GNG8: variants seen among roughly 807,000 people sequenced by gnomAD.
The protein encoded by GNG8 is G protein subunit gamma 8, also known as guanine nucleotide-binding protein G(I)/G(S)/G(O) subunit gamma-8.
In GNG8, 3 loss-of-function variants were observed where a neutral mutation model predicts 4.6. The observed-to-expected ratio is 0.65, with a 90% confidence interval of 0.29 to 1.67. The LOEUF (loss-of-function observed/expected upper bound fraction) is 1.67, where lower values mean the gene tolerates loss of function less well. Ranked by LOEUF, GNG8 falls within the 40% of genes most tolerant of loss-of-function variation. GNG8 has a pLI of 0.10. For missense variants in GNG8, 88 were observed against 95.2 expected, an observed-to-expected ratio of 0.92 and a Z score of 0.32; for synonymous variants, 32 against 40.5, an observed-to-expected ratio of 0.79 and a Z score of 0.80.
chr19:46,634,715 G>A lies in GNG8; in HGVS notation c.-33C>T, dbSNP rs12460911. On this transcript the variant is annotated 5_prime_UTR_variant, in exon 2 of 3. Coordinates refer to ENST00000693335, the MANE Select transcript of GNG8 (RefSeq NM_033258.2). ...GCGGGGAAGGGGTTAAAAGACGCGCGGGAGTGGGGGCTGTGGGGGTAGGTT... is the reference window on the plus strand; with the variant it reads ...GCGGGGAAGGGGTTAAAAGACGCGCAGGAGTGGGGGCTGTGGGGGTAGGTT... 189,978 of 1,580,764 alleles carry A rather than the reference G, an allele frequency of 0.12. 12,699 individuals carry two copies. Among genetic ancestry groups the A allele is most frequent in the Middle Eastern group, 0.21 (1,235 of 5,966 alleles).
chr19:46,635,027 C>T (rs966162005), intron 1 of GNG8, among the ~76,000 whole-genome samples: 3 of 151,932 alleles, frequency 2.0e-5, no homozygotes, highest in Non-Finnish European at 4.4e-5. Flanking sequence ...TCCTCACCCC[C>T]GGGGGCAGAG....
In GNG8 at chr19:46,634,674, G is replaced by A; in HGVS notation, c.9C>T (p.Asn3=). 2 of 1,613,010 alleles carry A rather than the reference G, an allele frequency of 1.2e-6. No individual in the cohort carries two copies. The highest frequency in any genetic ancestry group is 1.7e-6 in the Non-Finnish European group (2 of 1,179,848). ...GGGCCTCGGCAATCTTGGCCATGTT[G>A]TTGGACATGGTTGCGGCGGGGAAGG... MS[N]NMAKIAEARK... The change falls in exon 2 of 3, where the codon AAC becomes AAT. Residue 3 remains asparagine (N), a synonymous_variant. Transcript: ENST00000693335.
At chr19:46,634,823 T>C (rs909385134) in intron 1 of GNG8, 98 bp from the exon 2 acceptor site, 3 of 640,602 alleles carry the variant, frequency 4.7e-6, no homozygotes, top group Non-Finnish European at 5.6e-6. Flanking sequence ...GTGAATGGGG[T>C]GGCCAGGGGC....
intron 1 of GNG8, among the ~76,000 whole-genome samples, 127 bp downstream of exon 1, chr19:46,636,020 A>G (rs1246760836): frequency 6.6e-6 from 1 of 152,006 alleles, no homozygotes; most frequent in Non-Finnish European, 1.5e-5. Context: ...AGACAGGCTG[A>G]TGGAGACGCA....
At chr19:46,635,402 G>T (rs2052859733) in intron 1 of GNG8, among the ~76,000 whole-genome samples, 1 of 146,670 alleles carries the variant, frequency 6.8e-6, no homozygotes, top group African/African-American at 2.6e-5. Flanking sequence ...AGAGACTGGG[G>T]GAGGAATGAA....
At chr19:46,636,541 C>G (rs960284780), upstream of GNG8, among the ~76,000 whole-genome samples, 2 of 152,190 alleles carry the variant, frequency 1.3e-5, no homozygotes, top group Admixed American at 6.5e-5. Flanking sequence ...GGTGTCACCA[C>G]CCCCCTCCAG....
intron 2 of GNG8, 126 bp from the exon 3 acceptor site, chr19:46,634,330 T>C (rs960397098): frequency 5.3e-6 from 6 of 1,131,840 alleles, no homozygotes; most frequent in Middle Eastern, 3.0e-4. Flanking sequence ...TTTCCCCTTG[T>C]CTTACTCCGC....
upstream of GNG8, among the ~76,000 whole-genome samples, chr19:46,636,213 G>A (rs947122851): frequency 5.5e-4 from 82 of 149,326 alleles, 1 homozygote; most frequent in African/African-American, 1.9e-3. Flanking sequence ...GGGTCCCTCC[G>A]GCCCGCCCCG....
chr19:46,634,567 C>T lies in GNG8; in HGVS notation c.84+32G>A. 3.8e-6 allele frequency: 6 copies of T among 1,585,304 alleles called. No individual in the cohort carries two copies. In the African/African-American group the frequency reaches 5.4e-5, roughly 14 times the overall value. On this transcript the variant is annotated intron_variant, in intron 2 of 2. Transcript: ENST00000693335. ...CCCCGGACAGACCGCAGGCCCAGAA[C>T]CCCCGCCCTATTCCCCACCCCGACC...
In GNG8 at chr19:46,634,216, C is replaced by G. The variant is rs764933228; in HGVS notation, c.85-12G>C. ...GCTGCCTGCGACACCTGCGAGCACC[C>G]GGGTGGAGATGTCACCGCCCTGCCC... is the stretch of plus-strand genomic sequence containing the variant. On this transcript the variant is annotated splice_polypyrimidine_tract_variant and intron_variant, in intron 2 of 2. Transcript: ENST00000693335. 2.2e-5 allele frequency: 35 copies of G among 1,597,490 alleles called. No homozygotes were observed. Among genetic ancestry groups the G allele is most frequent in the Non-Finnish European group, 3.0e-5 (35 of 1,172,326 alleles).
chr19:46,638,240 A>T (rs2052880802), upstream of GNG8: 1 of 152,874 alleles, frequency 6.5e-6, no homozygotes, highest in Non-Finnish European at 1.5e-5. This position sits in a 1 kb window ranked among gnomAD's most constrained non-coding sequence, Gnocchi z 4.7. Context: ...CAGCACACAC[A>T]GTCACCCACA....
At chr19:46,634,988 G>A (rs954080332) in intron 1 of GNG8, among the ~76,000 whole-genome samples, 1 of 152,048 alleles carries the variant, frequency 6.6e-6, no homozygotes, top group Admixed American at 6.6e-5. Flanking sequence ...GAAGGACAGG[G>A]CCACAGGTGC....
intron 2 of GNG8, 48 bp from the exon 3 acceptor site, chr19:46,634,252 A>T: frequency 1.3e-6 from 2 of 1,562,288 alleles, no homozygotes; most frequent in Non-Finnish European, 1.7e-6. Context: ...GGCTCCTTGG[A>T]GCCGCCCACT....
At chr19:46,637,593 G>GT (rs987644062), upstream of GNG8, 3 of 152,394 alleles carry the variant, frequency 2.0e-5, no homozygotes, top group Non-Finnish European at 4.4e-5. Context: ...GTTTTGTTTT[G>GT]TTTTTTGAGA....
rs772009832 is a variant in GNG8, at chr19:46,634,585, C to T, written c.84+14G>A. On this transcript the variant is annotated intron_variant, in intron 2 of 2. Transcript: ENST00000693335. ...CCCAGAACCCCCGCCCTATTCCCCA[C>T]CCCGACCCAGCACCTTCATGCGGTC... is the stretch of plus-strand genomic sequence containing the variant. The T allele has an allele frequency of 1.2e-6, 2 of 1,610,364 alleles. No homozygotes were observed. The highest frequency in any genetic ancestry group is 2.7e-5 in the African/African-American group (2 of 74,702).
At chr19:46,635,049 AG>A (rs1455204774) in intron 1 of GNG8, among the ~76,000 whole-genome samples, 1 of 151,714 alleles carries the variant, frequency 6.6e-6, no homozygotes, top group East Asian at 2.0e-4. Flanking sequence ...GAGAGCCAGG[AG>A]GGGGGCCCCT....
At chr19:46,635,981 CAG>C (rs1478358192) in intron 1 of GNG8, among the ~76,000 whole-genome samples, 164 bp downstream of exon 1, 2 of 151,740 alleles carry the variant, frequency 1.3e-5, no homozygotes, top group Admixed American at 1.3e-4. Context: ...GAGATGGAAA[CAG>C]AAAGTGGGAG....
Position 46,634,214 on chromosome 19 carries a change from C to T in GNG8, c.85-10G>A, listed in dbSNP as rs534824142. The T allele has an allele frequency of 3.1e-6, 5 of 1,599,060 alleles. No homozygotes were observed. In the South Asian group the frequency reaches 3.3e-5, roughly 11 times the overall value. ...CTGCTGCCTGCGACACCTGCGAGCA[C>T]CCGGGTGGAGATGTCACCGCCCTGC... On this transcript the variant is annotated splice_polypyrimidine_tract_variant and intron_variant, in intron 2 of 2. Transcript: ENST00000693335.
At position 46,634,145 on chromosome 19, in the gene GNG8, C is replaced by T. The variant is rs758046393; in HGVS notation, c.144G>A (p.Pro48=). Residue 48 remains proline, a synonymous_variant, in exon 3 of 3, where the codon CCG becomes CCA. Transcript: ENST00000693335. ...CCGCGGCGGGTACTGGCGTCACCAGCGGGTCATCTTTGGCATGCGTCTCGC... is the reference window on the plus strand; with the variant it reads ...CCGCGGCGGGTACTGGCGTCACCAGTGGGTCATCTTTGGCATGCGTCTCGC... ...AFCETHAKDD[P]LVTPVPAAEN... The T allele has an allele frequency of 6.2e-7, 1 of 1,613,682 alleles. No individual in the cohort carries two copies. Among genetic ancestry groups the T allele is most frequent in the South Asian group, 1.1e-5 (1 of 91,080 alleles).
Sources: allele counts gnomAD v4.1 joint callset (sites outside exome capture counted in the v4.1 genomes callset), GRCh38; gene constraint gnomAD v4.1.1; non-coding constraint Gnocchi (gnomAD v3.1); transcripts MANE v1.5; gene names NCBI Gene and HGNC (gene_info 2026-07-23, HGNC 2026-07-21).